CAMK2A: variants seen among roughly 807,000 people sequenced by gnomAD.
CAMK2A encodes the protein calcium/calmodulin-dependent protein kinase type II subunit alpha.
CAMK2A carries 7 observed loss-of-function variants against 79.2 expected under a neutral mutation model. The observed-to-expected ratio is 0.09, with a 90% CI of 0.05 to 0.17. The LOEUF is 0.17. Among genes scored for constraint, CAMK2A ranks in the 10% least tolerant of loss-of-function variants. The probability of loss-of-function intolerance (pLI) is 1.00; values close to 1 mark genes in which losing one functional copy is unlikely to be tolerated. For missense variants in CAMK2A, 214 were observed against 646.4 expected (o/e 0.33, Z 7.25); for synonymous variants, 242 against 251.7 (o/e 0.96, Z 0.36).
At chr5:150,268,316 C>T (rs1399017944) in intron 2 of CAMK2A, among the ~76,000 whole-genome samples, 2 of 152,166 alleles carry the variant, frequency 1.3e-5, no homozygotes, top group African/African-American at 4.8e-5. Flanking sequence ...GCCACACTGG[C>T]CTCCTCTCTG....
chr5:150,271,926 G>T (rs1188418200), intron 2 of CAMK2A, among the ~76,000 whole-genome samples: 1 of 152,206 alleles, frequency 6.6e-6, no homozygotes, highest in African/African-American at 2.4e-5. Context: ...AGCTGCTAGG[G>T]ATGCTGATGT....
chr5:150,254,455 G>C (rs1755966740), intron 6 of CAMK2A, among the ~76,000 whole-genome samples: 1 of 152,226 alleles, frequency 6.6e-6, no homozygotes, highest in African/African-American at 2.4e-5. Flanking sequence ...GTAAGGGATA[G>C]AGCCAGAATC....
At chr5:150,231,650 A>G (rs1339081752) in intron 15 of CAMK2A, among the ~76,000 whole-genome samples, 1 of 149,798 alleles carries the variant, frequency 6.7e-6, no homozygotes, top group African/African-American at 2.4e-5. Flanking sequence ...TTCCTCAACT[A>G]CAAAGGCCAG....
chr5:150,225,195 A>T (rs567106882), intron 17 of CAMK2A, among the ~76,000 whole-genome samples: 25 of 152,242 alleles, frequency 1.6e-4, no homozygotes, highest in African/African-American at 5.3e-4. Context: ...AGAGCTTAGC[A>T]TTGCTGGGGG....
Position 150,222,205 on chromosome 5 carries a change from G to C in CAMK2A, c.*505C>G, listed in dbSNP as rs374631793. On this transcript the variant is annotated 3_prime_UTR_variant, in exon 19 of 19. Transcript: ENST00000671881. ...CACTTTGAGGCAGGAGGCTCCTGGC[G>C]TATGCTCTTCTCCCCACTCCTTCAG... 1.2e-5 allele frequency: 5 copies of C among 427,608 alleles called. No individual in the cohort carries two copies. The highest frequency in any genetic ancestry group is 2.2e-5 in the Non-Finnish European group (5 of 230,656). 26.5% of individuals were successfully genotyped at this position (427,608 alleles called of 1,614,324 possible). A position where few individuals can be genotyped will look rare whatever the true frequency, so the allele number is the denominator to read the frequency against.
intron 16 of CAMK2A, 74 bp downstream of exon 16, chr5:150,231,231 C>G: frequency 1.3e-6 from 1 of 743,582 alleles, no homozygotes; most frequent in Non-Finnish European, 2.2e-6. Context: ...AGACAAGGAC[C>G]CCCAAAGTTA....
rs1562156704 is a variant in CAMK2A, at chr5:150,245,248, C to A, written c.944-47G>T. 1.9e-6 allele frequency: 3 copies of A among 1,576,502 alleles called. No homozygotes were observed. In the East Asian group the frequency reaches 6.7e-5, roughly 35 times the overall value. Reference sequence around the variant, plus strand: ...GGGTTAACAACGCCAGGCAGGGCACCAGGGCCCACAGGGCGAGGACGAGCA... The same window carrying A: ...GGGTTAACAACGCCAGGCAGGGCACAAGGGCCCACAGGGCGAGGACGAGCA... On this transcript the variant is annotated intron_variant, in intron 12 of 18. Transcript: ENST00000671881.
rs554114532 is a variant in CAMK2A, at chr5:150,222,086, C to T, written c.*624G>A. ...GACTTCACCAGAAGGAAGCAGAAAG[C>T]AAGTAGGGGCACCTGAGAGGGCCAC... is the stretch of plus-strand genomic sequence containing the variant. On this transcript the variant is annotated 3_prime_UTR_variant, in exon 19 of 19. Coordinates refer to ENST00000671881, the MANE Select transcript of CAMK2A (RefSeq NM_015981.4). 2.0e-5 allele frequency: 4 copies of T among 197,714 alleles called. No individual in the cohort carries two copies. Among genetic ancestry groups the T allele is most frequent in the African/African-American group, 2.3e-5 (1 of 44,042 alleles). 12.2% of individuals were successfully genotyped at this position (197,714 alleles called of 1,614,324 possible).
rs1756058146 is a variant in CAMK2A, at chr5:150,256,377, C to T, written c.411+196G>A. On this transcript the variant is annotated intron_variant, in intron 6 of 18. Transcript: ENST00000671881. This position sits in a 1 kb window ranked among gnomAD's most constrained non-coding sequence, Gnocchi z 4.6. ...GCTGGGAGTTGGAAGAGCAGGGGCC[C>T]AAACACAGACGCTCTACCTTCCTGA... is the stretch of plus-strand genomic sequence containing the variant. Among the ~76,000 whole-genome samples the T allele has an allele frequency of 6.6e-6, 1 of 152,144 alleles. No individual in the cohort carries two copies. Among genetic ancestry groups the T allele is most frequent in the Non-Finnish European group, 1.5e-5 (1 of 68,018 alleles).
chr5:150,268,194 T>A (rs1292499129), intron 2 of CAMK2A, among the ~76,000 whole-genome samples: 1 of 152,094 alleles, frequency 6.6e-6, no homozygotes, highest in African/African-American at 2.4e-5. Context: ...AAAACATCAA[T>A]TAAATCCTGT....
chr5:150,275,210 C>T (rs1025374153), intron 1 of CAMK2A, among the ~76,000 whole-genome samples: 7 of 152,212 alleles, frequency 4.6e-5, no homozygotes, highest in South Asian at 2.1e-4. Context: ...CTCCTTGGGG[C>T]GTGCAGCCTG....
At position 150,284,706 on chromosome 5, in the gene CAMK2A, G is replaced by A. The variant is rs1320110708; in HGVS notation, c.62+4858C>T. ...CCTGCCCCTCAATTTCCCATCCTTT[G>A]GCCTCTGGTCCCTGCACGTCATCTA... On this transcript the variant is annotated intron_variant, in intron 1 of 18. Transcript: ENST00000671881. The surrounding 1 kb of genome is among the most constrained non-coding windows in gnomAD (Gnocchi z 5.3). Among the ~76,000 whole-genome samples the A allele has an allele frequency of 6.6e-6, 1 of 152,104 alleles. No homozygotes were observed. Among genetic ancestry groups the A allele is most frequent in the East Asian group, 1.9e-4 (1 of 5,186 alleles).
intron 1 of CAMK2A, among the ~76,000 whole-genome samples, chr5:150,276,418 A>T (rs1756947539): frequency 6.6e-6 from 1 of 152,194 alleles, no homozygotes; most frequent in Non-Finnish European, 1.5e-5. Flanking sequence ...GATTTCAGCA[A>T]GAGTGAGAGA....
At chr5:150,270,318 A>G (rs904614759) in intron 2 of CAMK2A, among the ~76,000 whole-genome samples, 1 of 152,250 alleles carries the variant, frequency 6.6e-6, no homozygotes, top group Non-Finnish European at 1.5e-5. Context: ...GGATTAGAAC[A>G]GGCAAAATTT....
At chr5:150,243,094 G>A (rs1755421033) in intron 13 of CAMK2A, among the ~76,000 whole-genome samples, 1 of 152,188 alleles carries the variant, frequency 6.6e-6, no homozygotes, top group African/African-American at 2.4e-5. Flanking sequence ...TTGCCATCTG[G>A]CAGCTTCTGC....
At position 150,222,732 on chromosome 5, in the gene CAMK2A, G is replaced by A; in HGVS notation, c.1467-19C>T. On this transcript the variant is annotated intron_variant, in intron 18 of 18. Coordinates refer to ENST00000671881, the MANE Select transcript of CAMK2A (RefSeq NM_015981.4). ...CCCTCAGCTGTAAGACACACACGGG[G>A]TGCTTCTCAGGGCATGGTGTTTCCT... 14 of 1,613,976 alleles carry A rather than the reference G, an allele frequency of 8.7e-6. No individual in the cohort carries two copies. The highest frequency in any genetic ancestry group is 1.3e-5 in the African/African-American group (1 of 75,018).
At chr5:150,268,047 G>C (rs1756588289) in intron 2 of CAMK2A, among the ~76,000 whole-genome samples, 1 of 151,912 alleles carries the variant, frequency 6.6e-6, no homozygotes, top group African/African-American at 2.4e-5. Flanking sequence ...CTAATATTTT[G>C]TATTTTTAGT....
intron 2 of CAMK2A, among the ~76,000 whole-genome samples, chr5:150,268,905 A>C (rs1034901220): frequency 6.6e-6 from 1 of 152,064 alleles, no homozygotes; most frequent in Non-Finnish European, 1.5e-5. Context: ...CTGGGACTAC[A>C]GGCACCCGCC....
chr5:150,222,522 G>A lies in CAMK2A; in HGVS notation c.*188C>T, dbSNP rs1580890627. 13 of 725,990 alleles carry A rather than the reference G, an allele frequency of 1.8e-5. No individual in the cohort carries two copies. The highest frequency in any genetic ancestry group is 1.3e-4 in the East Asian group (5 of 37,518). The allele number at this position is 725,990 out of a possible 1,614,324, so 45.0% of individuals were successfully genotyped here. ...GGGTGAGAGGTGGGGAGATGTGGCCGTTCGCTCTGAAGTTGCGATGACTTT... is the reference window on the plus strand; with the variant it reads ...GGGTGAGAGGTGGGGAGATGTGGCCATTCGCTCTGAAGTTGCGATGACTTT... On this transcript the variant is annotated 3_prime_UTR_variant, in exon 19 of 19. Transcript: ENST00000671881.
Sources: gnomAD v4.1 joint callset for allele counts (sites outside exome capture counted in the v4.1 genomes callset) on GRCh38, gnomAD v4.1.1 for gene constraint, Gnocchi (gnomAD v3.1) non-coding constraint, MANE v1.5 for transcripts, NCBI Gene and HGNC (gene_info 2026-07-23, HGNC 2026-07-21) for gene names.